Variants in GRM8 observed in about 807,000 individuals in gnomAD.
The protein encoded by GRM8 is metabotropic glutamate receptor 8.
In GRM8, 47 loss-of-function variants were observed where a neutral mutation model predicts 87.2. That is an observed-to-expected ratio of 0.54 (90% CI 0.43 to 0.69). The LOEUF (loss-of-function observed/expected upper bound fraction) is 0.69. Among genes scored for constraint, GRM8 ranks in the 30% least tolerant of loss-of-function variants. The pLI is 0.00. For synonymous variants in GRM8, 396 were observed against 404.5 expected (o/e 0.98, Z 0.25); for missense variants, 1,019 against 1,139.2 (o/e 0.89, Z 1.52).
chr7:126,808,594 G>C lies in GRM8; in HGVS notation c.1157-38529C>G, dbSNP rs117349131. Among the ~76,000 whole-genome samples the C allele has an allele frequency of 9.7e-3, 1,481 of 152,226 alleles. 15 individuals carry two copies. Among genetic ancestry groups the C allele is most frequent in the Non-Finnish European group, 0.014 (970 of 68,000 alleles). On this transcript the variant is annotated intron_variant, in intron 6 of 10. Coordinates refer to ENST00000339582, the MANE Select transcript of GRM8 (RefSeq NM_000845.3). ...TTCCTTAGAGCAAACATACAACATA[G>C]GTGGTAGGTTTTTCAAATAATGCAC...
chr7:126,755,539 C>T (rs1563155843), intron 7 of GRM8, among the ~76,000 whole-genome samples: 1 of 151,926 alleles, frequency 6.6e-6, no homozygotes. Context: ...TCAAATGTCT[C>T]TTTAGCACTC....
chr7:126,621,617 C>T (rs1407089850), intron 7 of GRM8, among the ~76,000 whole-genome samples: 1 of 151,998 alleles, frequency 6.6e-6, no homozygotes, highest in African/African-American at 2.4e-5. Context: ...CAGGGTTTCA[C>T]CATGTTGGCA....
intron 8 of GRM8, among the ~76,000 whole-genome samples, chr7:126,600,358 A>G (rs1301534193): frequency 1.3e-5 from 2 of 152,104 alleles, no homozygotes. Flanking sequence ...CCTGCCTATA[A>G]GAAGGCCTGA....
intron 7 of GRM8, among the ~76,000 whole-genome samples, chr7:126,664,621 T>C (rs1045488856): frequency 6.6e-6 from 1 of 152,018 alleles, no homozygotes; most frequent in African/African-American, 2.4e-5. Context: ...CAACAAATAA[T>C]TGAAGATAGA....
At chr7:127,132,233 C>T (rs146791234) in intron 2 of GRM8, among the ~76,000 whole-genome samples, 31 of 152,338 alleles carry the variant, frequency 2.0e-4, no homozygotes, top group African/African-American at 6.5e-4. Flanking sequence ...CCCTTGTTCA[C>T]TTTCAAAGTT....
chr7:126,452,790 G>A (rs1383464129), intron 9 of GRM8, among the ~76,000 whole-genome samples: 1 of 151,682 alleles, frequency 6.6e-6, no homozygotes, highest in Non-Finnish European at 1.5e-5. Context: ...GGAGAGCTCT[G>A]GGATCTGCCC....
intron 3 of GRM8, among the ~76,000 whole-genome samples, chr7:127,064,189 T>C (rs1563468790): frequency 6.6e-6 from 1 of 152,218 alleles, no homozygotes; most frequent in Non-Finnish European, 1.5e-5. Flanking sequence ...GTTAATTTTC[T>C]GCCTTGATGA....
intron 6 of GRM8, among the ~76,000 whole-genome samples, chr7:126,841,343 T>C (rs1282720561): frequency 6.6e-6 from 1 of 152,088 alleles, no homozygotes; most frequent in Non-Finnish European, 1.5e-5. Context: ...TCTGCAGTCT[T>C]GGTGGTAATG....
At chr7:126,945,130 C>G (rs1475335487) in intron 3 of GRM8, among the ~76,000 whole-genome samples, 1 of 151,750 alleles carries the variant, frequency 6.6e-6, no homozygotes, top group East Asian at 1.9e-4. Flanking sequence ...CTAGGGAAAC[C>G]CTGACAAAGG....
Position 126,807,217 on chromosome 7 carries a change from T to A in GRM8, c.1157-37152A>T, listed in dbSNP as rs965005517. ...CCAAGAAAAACTTCTGCTTCTTTTA[T>A]GTACTGTCATTGCAGTCGTAACTCT... is the stretch of plus-strand genomic sequence containing the variant. On this transcript the variant is annotated intron_variant, in intron 6 of 10. Transcript: ENST00000339582. 3.3e-5 allele frequency among the ~76,000 whole-genome samples: 5 copies of A among 152,178 alleles called. No individual in the cohort carries two copies. The South Asian group carries it at 1.0e-3, about 32-fold the overall frequency.
Position 126,777,817 on chromosome 7 carries a change from T to A in GRM8, c.1157-7752A>T, listed in dbSNP as rs1819639864. 2.6e-5 allele frequency among the ~76,000 whole-genome samples: 4 copies of A among 152,268 alleles called. No individual in the cohort carries two copies. The South Asian group carries it at 8.3e-4, about 32-fold the overall frequency. On this transcript the variant is annotated intron_variant, in intron 6 of 10. Coordinates refer to ENST00000339582, the MANE Select transcript of GRM8 (RefSeq NM_000845.3). Reference sequence around the variant, plus strand: ...ACAAACAAAAAAAACTTCTTATGAATTTCAGCCATCCACTTATGGAAAAGT... The same window carrying A: ...ACAAACAAAAAAAACTTCTTATGAAATTCAGCCATCCACTTATGGAAAAGT...
At chr7:126,558,039 T>C (rs1177331604) in intron 8 of GRM8, among the ~76,000 whole-genome samples, 2 of 152,212 alleles carry the variant, frequency 1.3e-5, no homozygotes, top group Non-Finnish European at 2.9e-5. Flanking sequence ...TGAAGAATTT[T>C]CACAGATCAC....
At chr7:127,198,788 C>T (rs1486506405) in intron 2 of GRM8, among the ~76,000 whole-genome samples, 1 of 151,516 alleles carries the variant, frequency 6.6e-6, no homozygotes, top group African/African-American at 2.4e-5. Flanking sequence ...GACCCTCCTG[C>T]CTCAGCTTCC....
At chr7:127,138,259 A>AT (rs910794107) in intron 2 of GRM8, among the ~76,000 whole-genome samples, 14 of 151,786 alleles carry the variant, frequency 9.2e-5, no homozygotes, top group African/African-American at 2.9e-4. Flanking sequence ...TTCTTTTAAA[A>AT]TTTTTTTTTG....
At chr7:126,601,345 G>T in intron 8 of GRM8, among the ~76,000 whole-genome samples, 1 of 152,010 alleles carries the variant, frequency 6.6e-6, no homozygotes, top group Non-Finnish European at 1.5e-5. Context: ...TGGACATTTG[G>T]GTTGGTTCCA....
chr7:127,227,588 C>A (rs945866384), intron 2 of GRM8, among the ~76,000 whole-genome samples: 8 of 152,138 alleles, frequency 5.3e-5, no homozygotes, highest in Non-Finnish European at 1.2e-4. Context: ...TTGGTGTTTA[C>A]GGTGTTTCCC....
chr7:126,904,580 T>G lies in GRM8; in HGVS notation c.831A>C (p.Ala277=). Residue 277 remains alanine (A), a synonymous_variant, in exon 4 of 11, where the codon GCA becomes GCC. Coordinates refer to ENST00000339582, the MANE Select transcript of GRM8 (RefSeq NM_000845.3). ...KRLLETPNAR[A]VIMFANEDDI... ...CATCCTCATTGGCAAACATAATCAC[T>G]GCTCGAGCATTAGGTGTTTCTAGCA... 6.2e-7 allele frequency: 1 copy of G among 1,613,880 alleles called. No homozygotes were observed.
chr7:127,111,467 G>T (rs1159948418), intron 2 of GRM8, among the ~76,000 whole-genome samples: 2 of 152,038 alleles, frequency 1.3e-5, no homozygotes, highest in Non-Finnish European at 2.9e-5. Flanking sequence ...GGTAAGTGAA[G>T]CTTCTGAAAA....
intron 2 of GRM8, among the ~76,000 whole-genome samples, chr7:127,196,587 T>G (rs1311784564): frequency 6.6e-6 from 1 of 151,958 alleles, no homozygotes; most frequent in East Asian, 1.9e-4. Context: ...CAAGTATCCT[T>G]TAGATAACAT....
Sources: allele counts gnomAD v4.1 joint callset (sites outside exome capture counted in the v4.1 genomes callset), GRCh38; gene constraint gnomAD v4.1.1; transcripts MANE v1.5; gene names NCBI Gene and HGNC (gene_info 2026-07-23, HGNC 2026-07-21).